SLC35F2: variants seen among roughly 807,000 people sequenced by gnomAD.
SLC35F2 encodes queuine/queuosine transporter SLC35F2.
SLC35F2 carries 25 observed loss-of-function variants against 38.1 expected under a neutral mutation model. The ratio of observed to expected loss-of-function variants is 0.66; its 90% confidence interval spans 0.48 to 0.92. SLC35F2 has a LOEUF of 0.92. Among genes scored for constraint, SLC35F2 ranks in the 40% least tolerant of loss-of-function variants. The pLI is 0.00. For synonymous variants in SLC35F2, 173 were observed against 181.7 expected (o/e 0.95, Z 0.38); for missense variants, 409 against 452.9 (o/e 0.90, Z 0.88).
chr11:107,816,338 G>A (rs1859574127), intron 1 of SLC35F2: 1 of 965,602 alleles, frequency 1.0e-6, no homozygotes, highest in East Asian at 1.1e-4. Context: ...CTAGAGTGCA[G>A]TGGTGCAATC....
chr11:107,835,530 A>C (rs1859918027), intron 1 of SLC35F2, among the ~76,000 whole-genome samples: 1 of 151,928 alleles, frequency 6.6e-6, no homozygotes, highest in African/African-American at 2.4e-5. Flanking sequence ...TCCTGGGCTC[A>C]AGTGATTTTC....
At chr11:107,852,155 G>A (rs1224101614) in intron 1 of SLC35F2, among the ~76,000 whole-genome samples, 1 of 151,784 alleles carries the variant, frequency 6.6e-6, no homozygotes, top group African/African-American at 2.4e-5. Context: ...TGGTGGCTCA[G>A]GCCTGTAATC....
Position 107,824,786 on chromosome 11 carries a change from C to T in SLC35F2, c.111-8821G>A, listed in dbSNP as rs75495475. Among the ~76,000 whole-genome samples the T allele has an allele frequency of 9.7e-3, 1,473 of 152,270 alleles. 16 individuals are homozygous for T. Among genetic ancestry groups the T allele is most frequent in the African/African-American group, 0.034 (1,395 of 41,550 alleles). ...TTTTATTTCCTTCCTTCCTCTGGCT[C>T]GCCCTGTCTTTTGGTAACCTCTTGA... On this transcript the variant is annotated intron_variant, in intron 1 of 7. Coordinates refer to ENST00000525815, the MANE Select transcript of SLC35F2 (RefSeq NM_017515.5).
rs1444243114 is a variant in SLC35F2 at position 107,806,779 on chromosome 11, C to CA, written c.511dup (p.Cys171LeufsTer24). On this transcript the variant is annotated frameshift_variant, in exon 4 of 8. Coordinates refer to ENST00000525815, the MANE Select transcript of SLC35F2 (RefSeq NM_017515.5). LOFTEE classifies it high-confidence loss of function. ...AACCATGGTTCCTACACCCAACAGA[C>CA]AGACAGCCACGGCGATGAAGTGGAT... 1 of 1,614,116 alleles carries CA rather than the reference C, an allele frequency of 6.2e-7. No homozygotes were observed. The highest frequency in any genetic ancestry group is 1.7e-5 in the Admixed American group (1 of 60,022).
rs577085269 is a variant in SLC35F2, at chr11:107,838,160, G to C, written c.110+20498C>G. On this transcript the variant is annotated intron_variant, in intron 1 of 7. Transcript: ENST00000525815. ...CAGAACCTGGAGACCAACCCAAGCA[G>C]TGTGGCTCCAGAGGCTGAGCTCATA... 2.0e-4 allele frequency among the ~76,000 whole-genome samples: 30 copies of C among 152,228 alleles called. 1 individual carries two copies. Among genetic ancestry groups the C allele is most frequent in the African/African-American group, 6.7e-4 (28 of 41,532 alleles).
At chr11:107,807,195 G>A (rs1591188452) in intron 3 of SLC35F2, among the ~76,000 whole-genome samples, 1 of 151,076 alleles carries the variant, frequency 6.6e-6, no homozygotes, top group East Asian at 1.9e-4. Flanking sequence ...AGCACTTTGG[G>A]AGGCTGTGGC....
In SLC35F2 at chr11:107,802,535, A is replaced by G. The variant is rs1591185975; in HGVS notation, c.939+466T>C. On this transcript the variant is annotated intron_variant, in intron 7 of 7. Transcript: ENST00000525815. Reference sequence around the variant, plus strand: ...ATTACCTTTAAGATATAAAATTACTATCAAAGACAGAACCATTCCAATCAT... The same window carrying G: ...ATTACCTTTAAGATATAAAATTACTGTCAAAGACAGAACCATTCCAATCAT... 2.0e-5 allele frequency among the ~76,000 whole-genome samples: 3 copies of G among 152,248 alleles called. No individual in the cohort carries two copies. The South Asian group carries it at 6.2e-4, about 32-fold the overall frequency.
chr11:107,795,042 T>A (rs1158891200), intron 7 of SLC35F2, among the ~76,000 whole-genome samples: 1 of 152,064 alleles, frequency 6.6e-6, no homozygotes, highest in Non-Finnish European at 1.5e-5. Flanking sequence ...ATGAAAGAAA[T>A]TGAAGATGAC....
At chr11:107,802,928 A>T in intron 7 of SLC35F2, 73 bp downstream of exon 7, 1 of 1,374,924 alleles carries the variant, frequency 7.3e-7, no homozygotes. Flanking sequence ...TTTGATCTAG[A>T]GTCTTGAAGA....
intron 1 of SLC35F2, among the ~76,000 whole-genome samples, chr11:107,843,800 A>G (rs1433625304): frequency 6.9e-6 from 1 of 145,702 alleles, no homozygotes; most frequent in Non-Finnish European, 1.5e-5. Flanking sequence ...AACTATGATC[A>G]CACCATGGCA....
At chr11:107,850,453 T>C (rs1168321403) in intron 1 of SLC35F2, among the ~76,000 whole-genome samples, 4 of 151,340 alleles carry the variant, frequency 2.6e-5, no homozygotes, top group East Asian at 1.9e-4. Context: ...CAACTGGGAG[T>C]GGGGGTGAGG....
In SLC35F2 at chr11:107,858,693, G is replaced by C. The variant is rs758509845; in HGVS notation, c.75C>G (p.Ser25Arg). The stretch of plus-strand genomic sequence containing the variant: ...GTTTGCCTTTTATCCTGCGCAGCAG[G>C]CTGGAGAACTCGGCCGCCGCTCCCT... ...LAEGAAAEFS[S>R]LLRRIKGKLF... The change falls in exon 1 of 8, where the codon AGC becomes AGG. Residue 25 changes from serine to arginine, a missense_variant. By Grantham distance (110) the Ser-to-Arg change is moderately radical. Coordinates refer to ENST00000525815, the MANE Select transcript of SLC35F2 (RefSeq NM_017515.5). The C allele has an allele frequency of 7.7e-7, 1 of 1,301,870 alleles. No homozygotes were observed. The highest frequency in any genetic ancestry group is 1.5e-5 in the African/African-American group (1 of 66,244). The allele number at this position is 1,301,870 out of a possible 1,614,324, so 80.6% of individuals were successfully genotyped here. A position where few individuals can be genotyped will look rare whatever the true frequency, so the allele number is the denominator to read the frequency against.
At chr11:107,808,225 G>A (rs1349625438) in intron 3 of SLC35F2, among the ~76,000 whole-genome samples, 1 of 152,082 alleles carries the variant, frequency 6.6e-6, no homozygotes, top group East Asian at 1.9e-4. Flanking sequence ...CTCCTCACAT[G>A]CTCCCCCTCA....
intron 1 of SLC35F2, among the ~76,000 whole-genome samples, chr11:107,858,206 G>A (rs1321234735): frequency 6.6e-6 from 1 of 152,182 alleles, no homozygotes; most frequent in Non-Finnish European, 1.5e-5. Flanking sequence ...TTCTCACTTC[G>A]GTCAACTCTT....
In SLC35F2 at chr11:107,835,248, G is replaced by A. The variant is rs139019127; in HGVS notation, c.111-19283C>T. Among the ~76,000 whole-genome samples, 73 of 152,254 alleles carry A rather than the reference G, an allele frequency of 4.8e-4. 2 individuals carry two copies. Among genetic ancestry groups the A allele is most frequent in the Middle Eastern group, 3.4e-3 (1 of 294 alleles). On this transcript the variant is annotated intron_variant, in intron 1 of 7. Coordinates refer to ENST00000525815, the MANE Select transcript of SLC35F2 (RefSeq NM_017515.5). ...CCTGGTAAACTGCAGCCTTGTCTGCGGGAGGTCATCTATCTCAAAACAATC... is the reference window on the plus strand; with the variant it reads ...CCTGGTAAACTGCAGCCTTGTCTGCAGGAGGTCATCTATCTCAAAACAATC...
At chr11:107,832,756 A>C (rs1859865754) in intron 1 of SLC35F2, among the ~76,000 whole-genome samples, 1 of 152,162 alleles carries the variant, frequency 6.6e-6, no homozygotes, top group Non-Finnish European at 1.5e-5. Flanking sequence ...GCAGTGAGCC[A>C]TGATCATGCC....
chr11:107,808,094 G>C (rs1448976962), intron 3 of SLC35F2, among the ~76,000 whole-genome samples: 1 of 152,142 alleles, frequency 6.6e-6, no homozygotes, highest in African/African-American at 2.4e-5. Flanking sequence ...CACTGGAATC[G>C]GGCTAAGCGC....
chr11:107,858,497 A>G, intron 1 of SLC35F2, 161 bp downstream of exon 1: 1 of 540,038 alleles, frequency 1.9e-6, no homozygotes, highest in Non-Finnish European at 2.9e-6. Flanking sequence ...GAAGCGCACC[A>G]TACCTGGTGT....
chr11:107,829,354 G>A (rs1299048513), intron 1 of SLC35F2, among the ~76,000 whole-genome samples: 3 of 151,922 alleles, frequency 2.0e-5, no homozygotes, highest in Admixed American at 1.3e-4. Context: ...AGGAGGCAGA[G>A]GCTGCAGTGA....
Sources: gnomAD v4.1 joint callset for allele counts (sites outside exome capture counted in the v4.1 genomes callset) on GRCh38, gnomAD v4.1.1 for gene constraint, MANE v1.5 for transcripts, NCBI Gene and HGNC (gene_info 2026-07-23, HGNC 2026-07-21) for gene names.